DDX10: variants seen among roughly 807,000 people sequenced by gnomAD.
DDX10 encodes DEAD-box helicase 10.
Under a neutral mutation model 104.3 loss-of-function variants are expected in DDX10, and 74 were observed. The ratio of observed to expected loss-of-function variants is 0.71; its 90% CI spans 0.59 to 0.86. The LOEUF is 0.86. Among genes scored for constraint, DDX10 ranks in the 40% least tolerant of loss-of-function variants. The pLI is 0.00. For synonymous variants in DDX10, 351 were observed against 353.4 expected, an observed-to-expected ratio of 0.99 and a Z score of 0.08; for missense variants, 952 against 1,040.0, an observed-to-expected ratio of 0.92 and a Z score of 1.16.
intron 9 of DDX10, among the ~76,000 whole-genome samples, chr11:108,702,322 G>A (rs2094269523): frequency 6.6e-6 from 1 of 152,086 alleles, no homozygotes; most frequent in Non-Finnish European, 1.5e-5. Context: ...GTGTATGTCT[G>A]CATATATTTT....
At chr11:108,833,073 C>T (rs1030698234) in intron 13 of DDX10, among the ~76,000 whole-genome samples, 6 of 152,152 alleles carry the variant, frequency 3.9e-5, no homozygotes, top group Admixed American at 6.5e-5. Context: ...AAAAGAATGA[C>T]GTGGAACTAA....
rs899251279 is a variant in DDX10 at position 108,852,031 on chromosome 11, T to C, written c.2248-122T>C. Reference sequence around the variant, plus strand: ...CAATCCCATAGTAGTAGTCAGTAAATATTTGTTGAAAAATGAATGTCATAT... The same window carrying C: ...CAATCCCATAGTAGTAGTCAGTAAACATTTGTTGAAAAATGAATGTCATAT... On this transcript the variant is annotated intron_variant, in intron 15 of 17. Transcript: ENST00000322536. The C allele has an allele frequency of 9.5e-6, 7 of 734,768 alleles. No individual in the cohort carries two copies. In the Admixed American group the frequency reaches 1.1e-4, roughly 11 times the overall value. The allele number at this position is 734,768 out of a possible 1,614,324, so 45.5% of individuals were successfully genotyped here.
At chr11:108,903,878 T>C (rs930179843) in intron 16 of DDX10, among the ~76,000 whole-genome samples, 1 of 152,206 alleles carries the variant, frequency 6.6e-6, no homozygotes, top group Non-Finnish European at 1.5e-5. Context: ...AATGCTGCTA[T>C]GAACGTTTAT....
At chr11:108,882,926 A>T (rs1275652478) in intron 16 of DDX10, among the ~76,000 whole-genome samples, 1 of 152,230 alleles carries the variant, frequency 6.6e-6, no homozygotes, top group Non-Finnish European at 1.5e-5. Context: ...TTGCGTCCAT[A>T]TCCAAAGTTC....
intron 13 of DDX10, among the ~76,000 whole-genome samples, chr11:108,816,555 CTTT>C (rs35878699): frequency 2.9e-5 from 4 of 137,378 alleles, no homozygotes; most frequent in Non-Finnish European, 4.6e-5. Context: ...TAAAAATAGC[CTTT>C]TTTTTTTTTT....
At chr11:108,775,401 C>A (rs1180713930) in intron 13 of DDX10, among the ~76,000 whole-genome samples, 2 of 151,876 alleles carry the variant, frequency 1.3e-5, no homozygotes, top group Non-Finnish European at 2.9e-5. Flanking sequence ...AGTGATATAC[C>A]CGTCTGTTCA....
chr11:108,756,194 T>A (rs1054215215), intron 13 of DDX10, among the ~76,000 whole-genome samples: 5 of 152,074 alleles, frequency 3.3e-5, no homozygotes, highest in Non-Finnish European at 5.9e-5. Context: ...ATGTGATTTG[T>A]GTTGGTAAAT....
At chr11:108,867,096 G>C (rs1332542983) in intron 16 of DDX10, among the ~76,000 whole-genome samples, 7 of 152,140 alleles carry the variant, frequency 4.6e-5, no homozygotes, top group Non-Finnish European at 8.8e-5. Flanking sequence ...GGGGTCAAAT[G>C]TGCTAGGTTG....
At chr11:108,824,822 A>T (rs1371873506) in intron 13 of DDX10, among the ~76,000 whole-genome samples, 7 of 152,026 alleles carry the variant, frequency 4.6e-5, no homozygotes, top group Non-Finnish European at 8.8e-5. Context: ...TAGAGCAAAT[A>T]CATATTTCCC....
Position 108,679,498 on chromosome 11 carries a change from C to T in DDX10, c.786C>T (p.Asp262=). The T allele has an allele frequency of 6.2e-7, 1 of 1,613,470 alleles. No homozygotes were observed. The highest frequency in any genetic ancestry group is 8.5e-7 in the Non-Finnish European group (1 of 1,179,878). The part of the protein sequence containing the change: ...FSATQTKSVK[D]LARLSLKNPE... ...CAACACAAACTAAATCTGTAAAGGA[C>T]CTTGCACGCTTGAGTTTGAAAAACC... The change falls in exon 6 of 18, where the codon GAC becomes GAT. Residue 262 remains aspartate, a synonymous_variant. Transcript: ENST00000322536.
intron 2 of DDX10, 90 bp from the exon 3 acceptor site, chr11:108,675,505 CA>C: frequency 7.0e-7 from 1 of 1,431,972 alleles, no homozygotes. Context: ...AGGGCTTCAA[CA>C]TAGGAATTTT....
rs563237615 is a variant in DDX10, at chr11:108,723,155, A to G, written c.1658A>G (p.Asn553Ser). Residue 553 changes from asparagine (N) to serine (S), a missense_variant, in exon 13 of 18, where the codon AAT (asparagine) becomes AGT (serine). Asn to Ser is a conservative substitution (Grantham distance 46). Coordinates refer to ENST00000322536, the MANE Select transcript of DDX10 (RefSeq NM_004398.4). ...DEVEEFRAYF[N>S]EKMSILQKGG... Reference sequence around the variant, plus strand: ...GTGGAAGAATTTAGAGCCTACTTCAATGAGAAAATGTCCATCCTTCAAAAA... The same window carrying G: ...GTGGAAGAATTTAGAGCCTACTTCAGTGAGAAAATGTCCATCCTTCAAAAA... 16 of 1,613,916 alleles carry G rather than the reference A, an allele frequency of 9.9e-6. No homozygotes were observed. The highest frequency in any genetic ancestry group is 6.7e-5 in the East Asian group (3 of 44,822).
At chr11:108,895,334 C>T (rs1449093380) in intron 16 of DDX10, among the ~76,000 whole-genome samples, 2 of 151,232 alleles carry the variant, frequency 1.3e-5, no homozygotes, top group Non-Finnish European at 3.0e-5. Context: ...ATATCCAAGT[C>T]TCCTTTGGGT....
At chr11:108,835,473 G>T (rs144655823) in intron 13 of DDX10, among the ~76,000 whole-genome samples, 2 of 152,188 alleles carry the variant, frequency 1.3e-5, no homozygotes, top group Non-Finnish European at 2.9e-5. Flanking sequence ...TTATATTACC[G>T]GAAGGAGGGC....
At chr11:108,745,113 T>A (rs1393868086) in intron 13 of DDX10, among the ~76,000 whole-genome samples, 1 of 92,888 alleles carries the variant, frequency 1.1e-5, no homozygotes, top group African/African-American at 5.2e-5. Flanking sequence ...CCCCTCCCCT[T>A]CCCCTTCCTC....
chr11:108,837,607 CTTTTTTTTTTTTTTTTTT>C (rs142381520), intron 13 of DDX10, among the ~76,000 whole-genome samples: 27 of 34,750 alleles, frequency 7.8e-4, no homozygotes, highest in East Asian at 2.3e-3. Context: ...TTGGATACAG[CTTTTTTTTTTTTTTTTTT>C]TTTTTTTTTT....
chr11:108,669,479 A>G (rs1018779339), intron 1 of DDX10, among the ~76,000 whole-genome samples: 1 of 152,154 alleles, frequency 6.6e-6, no homozygotes, highest in African/African-American at 2.4e-5. Context: ...GGAAATACAG[A>G]GAGGTGAAAA....
chr11:108,854,688 C>T (rs1435096662), intron 16 of DDX10, among the ~76,000 whole-genome samples: 3 of 151,810 alleles, frequency 2.0e-5, no homozygotes, highest in African/African-American at 7.3e-5. Context: ...ATGCAGCAAA[C>T]ATCATTTTAT....
At chr11:108,869,613 G>C in intron 16 of DDX10, among the ~76,000 whole-genome samples, 1 of 152,160 alleles carries the variant, frequency 6.6e-6, no homozygotes, top group East Asian at 1.9e-4. Context: ...TGAGCAGACT[G>C]TGGATTATTC....
Sources: allele counts gnomAD v4.1 joint callset (sites outside exome capture counted in the v4.1 genomes callset), GRCh38; gene constraint gnomAD v4.1.1; transcripts MANE v1.5; gene names NCBI Gene and HGNC (gene_info 2026-07-23, HGNC 2026-07-21).